FNDC3B: variants seen among roughly 807,000 people sequenced by gnomAD.
The protein encoded by FNDC3B is fibronectin type III domain-containing protein 3B.
FNDC3B carries 12 observed loss-of-function variants against 151.5 expected under a neutral mutation model. The ratio of observed to expected loss-of-function variants is 0.08; its 90% CI spans 0.05 to 0.13. The LOEUF is 0.13. Among genes scored for constraint, FNDC3B ranks in the 10% least tolerant of loss-of-function variants. The pLI, the probability that FNDC3B is intolerant of heterozygous loss-of-function variation, is 1.00. For missense variants in FNDC3B, 1,214 were observed against 1,505.3 expected (o/e 0.81, Z 3.20); for synonymous variants, 528 against 549.0 (o/e 0.96, Z 0.54).
At chr3:172,334,899 C>G (rs1333488398) in intron 14 of FNDC3B, 45 bp from the exon 15 acceptor site, 1 of 1,571,840 alleles carries the variant, frequency 6.4e-7, no homozygotes, top group South Asian at 1.1e-5. Context: ...ATTTAATGAT[C>G]CCTGATAACT....
chr3:172,090,633 A>G (rs1166654381), intron 1 of FNDC3B, among the ~76,000 whole-genome samples: 1 of 152,096 alleles, frequency 6.6e-6, no homozygotes, highest in Admixed American at 6.5e-5. Flanking sequence ...CCTGTTACTT[A>G]GGATCCAGCT....
chr3:172,395,956 C>T (rs1221381390), intron 25 of FNDC3B, among the ~76,000 whole-genome samples: 1 of 152,126 alleles, frequency 6.6e-6, no homozygotes, highest in Non-Finnish European at 1.5e-5. Context: ...GACTCTCGTG[C>T]GCAAAGGGAT....
intron 1 of FNDC3B, among the ~76,000 whole-genome samples, chr3:172,100,304 A>T (rs1348875023): frequency 6.6e-6 from 1 of 152,212 alleles, no homozygotes; most frequent in African/African-American, 2.4e-5. Flanking sequence ...TATTAGTATA[A>T]ATTAATGTCA....
intron 1 of FNDC3B, among the ~76,000 whole-genome samples, chr3:172,063,523 G>A (rs1717323226): frequency 6.6e-6 from 1 of 152,172 alleles, no homozygotes; most frequent in African/African-American, 2.4e-5. Flanking sequence ...TCTGCACTGA[G>A]GTTTCTACTC....
Position 172,133,536 on chromosome 3 carries a change from G to T in FNDC3B, c.177G>T (p.Gln59His), listed in dbSNP as rs767624523. 1 of 1,609,236 alleles carries T rather than the reference G, an allele frequency of 6.2e-7. No individual in the cohort carries two copies. The highest frequency in any genetic ancestry group is 1.7e-5 in the Admixed American group (1 of 59,974). Residue 59 changes from glutamine (Q) to histidine (H), a missense_variant, in exon 3 of 26, where the codon CAG becomes CAT. This residue lies in a region of FNDC3B where 113 missense variants were observed against 177.8 expected (regional missense o/e 0.64). Transcript: ENST00000415807. ...FTIRAEDGTLQCIQGPAEVPM... is the reference protein window; with the variant it reads ...FTIRAEDGTLHCIQGPAEVPM... ...TAAGAGCAGAGGATGGAACACTTCA[G>T]TGCATTCAAGGTAAGGACATTTTTG... is the stretch of plus-strand genomic sequence containing the variant.
At chr3:172,318,134 AC>A (rs1330787785) in intron 11 of FNDC3B, among the ~76,000 whole-genome samples, 1 of 152,238 alleles carries the variant, frequency 6.6e-6, no homozygotes, top group Non-Finnish European at 1.5e-5. Flanking sequence ...TTCCCTGGTG[AC>A]TAATGAGCCA....
intron 1 of FNDC3B, among the ~76,000 whole-genome samples, chr3:172,079,381 T>C (rs1185706741): frequency 6.6e-6 from 1 of 152,158 alleles, no homozygotes; most frequent in African/African-American, 2.4e-5. Flanking sequence ...TGGGATTCTG[T>C]GTTGGGAGCT....
chr3:172,099,748 T>C (rs977479717), intron 1 of FNDC3B, among the ~76,000 whole-genome samples: 1 of 152,234 alleles, frequency 6.6e-6, no homozygotes. Context: ...GAGACATCTG[T>C]GGTAGAATTA....
At chr3:172,130,569 C>T (rs915771951) in intron 2 of FNDC3B, among the ~76,000 whole-genome samples, 1 of 152,106 alleles carries the variant, frequency 6.6e-6, no homozygotes, top group Admixed American at 6.5e-5. Context: ...GATGCCTCTG[C>T]GTCGTTCTTT....
chr3:172,087,249 G>A (rs2108505977), intron 1 of FNDC3B, among the ~76,000 whole-genome samples: 1 of 152,202 alleles, frequency 6.6e-6, no homozygotes, highest in African/African-American at 2.4e-5. Context: ...TAAACTATCA[G>A]CTTGACCGAA....
chr3:172,139,160 T>G (rs1721501685), intron 3 of FNDC3B, among the ~76,000 whole-genome samples: 1 of 152,216 alleles, frequency 6.6e-6, no homozygotes. Context: ...GTGATACTTT[T>G]GGGACCTTAA....
At chr3:172,384,453 T>C (rs1175942343) in intron 25 of FNDC3B, among the ~76,000 whole-genome samples, 1 of 152,256 alleles carries the variant, frequency 6.6e-6, no homozygotes, top group Non-Finnish European at 1.5e-5. Context: ...GCAGAGAATT[T>C]ATTCTGTTCC....
intron 1 of FNDC3B, among the ~76,000 whole-genome samples, chr3:172,061,994 A>T (rs987285966): frequency 6.6e-6 from 1 of 152,188 alleles, no homozygotes; most frequent in African/African-American, 2.4e-5. Flanking sequence ...TATCTGAATG[A>T]CTTTCTGTTT....
intron 1 of FNDC3B, among the ~76,000 whole-genome samples, chr3:172,104,794 A>G (rs1310218753): frequency 6.6e-6 from 1 of 152,216 alleles, no homozygotes; most frequent in Non-Finnish European, 1.5e-5. Context: ...TTTCAGAGGT[A>G]AAGAAGATCA....
intron 3 of FNDC3B, among the ~76,000 whole-genome samples, chr3:172,193,328 C>CCCCTTCCCTT (rs529763550): frequency 3.1e-3 from 16 of 5,186 alleles, no homozygotes; most frequent in African/African-American, 9.9e-3. Context: ...CCCCTCCCCT[C>CCCCTTCCCTT]CCCTTCCCTT....
At chr3:172,111,412 C>A (rs894669608) in intron 1 of FNDC3B, among the ~76,000 whole-genome samples, 13 of 152,138 alleles carry the variant, frequency 8.5e-5, no homozygotes, top group African/African-American at 3.1e-4. Flanking sequence ...CATGATGGTA[C>A]TATTAACACC....
At chr3:172,367,071 G>A (rs2108350327) in intron 23 of FNDC3B, among the ~76,000 whole-genome samples, 1 of 152,228 alleles carries the variant, frequency 6.6e-6, no homozygotes, top group East Asian at 1.9e-4. Context: ...AGATCACCTG[G>A]ACTTGCTATG....
At chr3:172,149,396 C>T (rs1384115222) in intron 3 of FNDC3B, among the ~76,000 whole-genome samples, 1 of 152,146 alleles carries the variant, frequency 6.6e-6, no homozygotes, top group Non-Finnish European at 1.5e-5. Context: ...TAGTCTGGTT[C>T]CATTGATCAG....
intron 2 of FNDC3B, among the ~76,000 whole-genome samples, chr3:172,129,905 T>C (rs1720984510): frequency 6.6e-6 from 1 of 151,792 alleles, no homozygotes; most frequent in Non-Finnish European, 1.5e-5. Flanking sequence ...CAAAAAATGA[T>C]GTGGTTTGGA....
Sources: gnomAD v4.1 joint callset for allele counts (sites outside exome capture counted in the v4.1 genomes callset) on GRCh38, gnomAD v4.1.1 for gene constraint, gnomAD v4.1.1 regional missense constraint, MANE v1.5 for transcripts, NCBI Gene and HGNC (gene_info 2026-07-23, HGNC 2026-07-21) for gene names.